The following CYP3A43 variants were observed in gnomAD, a reference collection of about 807,000 sequenced individuals.
The protein encoded by CYP3A43 is cytochrome P450 family 3 subfamily A member 43.
Under a neutral mutation model 58.0 loss-of-function variants are expected in CYP3A43, and 45 were observed. The ratio of observed to expected loss-of-function variants is 0.78; its 90% CI spans 0.61 to 0.99. The LOEUF (loss-of-function observed/expected upper bound fraction) is 0.99, where lower values mean the gene tolerates loss of function less well. Among genes scored for constraint, CYP3A43 ranks in the 50% least tolerant of loss-of-function variants. The probability of loss-of-function intolerance (pLI) is 0.00; values close to 1 mark genes in which losing one functional copy is unlikely to be tolerated. For synonymous variants in CYP3A43, 191 were observed against 201.4 expected (o/e 0.95, Z 0.44); for missense variants, 593 against 591.9 (o/e 1.00, Z -0.02).
Position 99,861,662 on chromosome 7 carries a change from T to C in CYP3A43, c.1076T>C (p.Val359Ala). Reference sequence around the variant, plus strand: ...GTACAGATGGAGTACCTTGACATGGTGGTGAATGAAACGCTCAGATTATTC... The same window carrying C: ...GTACAGATGGAGTACCTTGACATGGCGGTGAATGAAACGCTCAGATTATTC... ...ALVQMEYLDM[V>A]VNETLRLFPV... The change falls in exon 11 of 13, where the codon GTG becomes GCG. Residue 359 changes from valine (V) to alanine (A), a missense_variant. Physicochemically the swap from Val to Ala is moderately conservative, Grantham distance 64. Coordinates refer to ENST00000354829, the MANE Select transcript of CYP3A43 (RefSeq NM_057095.3). 1 of 1,614,158 alleles carries C rather than the reference T, an allele frequency of 6.2e-7. No homozygotes were observed. The highest frequency in any genetic ancestry group is 1.1e-5 in the South Asian group (1 of 91,082).
chr7:99,853,077 T>G (rs528144), intron 7 of CYP3A43, among the ~76,000 whole-genome samples: 29,625 of 152,200 alleles, frequency 0.19, 5,825 homozygotes, highest in African/African-American at 0.51. Flanking sequence ...TGATATATTT[T>G]TCCAGTTTTA....
chr7:99,829,388 C>T (rs190371172), intron 1 of CYP3A43, among the ~76,000 whole-genome samples: 12 of 152,266 alleles, frequency 7.9e-5, no homozygotes, highest in African/African-American at 2.9e-4. Context: ...GGTCAGGGTG[C>T]AGCTTGGTTT....
intron 7 of CYP3A43, among the ~76,000 whole-genome samples, chr7:99,850,915 TC>T (rs1817736928): frequency 1.3e-5 from 2 of 152,062 alleles, no homozygotes; most frequent in African/African-American, 4.8e-5. Context: ...ATGCCTGTAA[TC>T]CCAGCACTTT....
intron 1 of CYP3A43, among the ~76,000 whole-genome samples, chr7:99,835,334 C>T (rs559072724): frequency 2.6e-5 from 4 of 152,280 alleles, no homozygotes; most frequent in South Asian, 4.1e-4. Context: ...TCTGGGCATC[C>T]GATTTGTCAT....
At chr7:99,848,038 T>C (rs1162568689) in intron 5 of CYP3A43, 128 bp from the exon 6 acceptor site, 3 of 941,970 alleles carry the variant, frequency 3.2e-6, no homozygotes, top group Non-Finnish European at 4.8e-6. Context: ...GGGCGGTCTT[T>C]TCTATTTATG....
intron 7 of CYP3A43, among the ~76,000 whole-genome samples, chr7:99,850,993 C>G (rs1391657834): frequency 2.0e-5 from 3 of 152,130 alleles, no homozygotes; most frequent in African/African-American, 7.2e-5. Context: ...TTGGCGAAAC[C>G]CTGTCTCTAC....
chr7:99,863,766 A>T (rs1352077463), intron 12 of CYP3A43, 67 bp downstream of exon 12: 14 of 1,287,232 alleles, frequency 1.1e-5, no homozygotes, highest in Admixed American at 5.3e-5. Context: ...TACATTTTTT[A>T]AAAATTATTG....
chr7:99,829,653 G>A (rs888254756), intron 1 of CYP3A43, among the ~76,000 whole-genome samples: 4 of 152,142 alleles, frequency 2.6e-5, no homozygotes, highest in African/African-American at 9.7e-5. Context: ...CTTTTTGTCT[G>A]GCTGCCCTGT....
chr7:99,831,095 A>G (rs977649055), intron 1 of CYP3A43, among the ~76,000 whole-genome samples: 2 of 152,178 alleles, frequency 1.3e-5, no homozygotes, highest in African/African-American at 4.8e-5. Flanking sequence ...ACAACTGGAA[A>G]CCCAAGAGGT....
chr7:99,849,384 A>G (rs915906622), intron 6 of CYP3A43, among the ~76,000 whole-genome samples, 162 bp from the exon 7 acceptor site: 2 of 152,244 alleles, frequency 1.3e-5, no homozygotes, highest in African/African-American at 4.8e-5. Flanking sequence ...CTGATACCCA[A>G]TAAATGCCTC....
chr7:99,828,790 C>T (rs563112782), intron 1 of CYP3A43, among the ~76,000 whole-genome samples: 1 of 152,312 alleles, frequency 6.6e-6, no homozygotes, highest in Non-Finnish European at 1.5e-5. Context: ...TCCTGAAGTG[C>T]AGGGTTGCTC....
chr7:99,835,992 A>G lies in CYP3A43; in HGVS notation c.72-461A>G, dbSNP rs112228279. Among the ~76,000 whole-genome samples, 202 of 152,328 alleles carry G rather than the reference A, an allele frequency of 1.3e-3. 1 individual carries two copies. The highest frequency in any genetic ancestry group is 4.5e-3 in the African/African-American group (185 of 41,572). The stretch of plus-strand genomic sequence containing the variant: ...ATGGTACTCTTAGCTTCGGCTGTGC[A>G]TAGACTAGTCAGCTTCCGAGATGTA... On this transcript the variant is annotated intron_variant, in intron 1 of 12. Transcript: ENST00000354829.
chr7:99,856,740 A>G, intron 8 of CYP3A43, 93 bp from the exon 9 acceptor site: 1 of 1,299,936 alleles, frequency 7.7e-7, no homozygotes, highest in Non-Finnish European at 1.1e-6. Context: ...AAGAGAGCAT[A>G]TTCTCAGGAG....
At chr7:99,838,434 A>G (rs1489658332) in intron 2 of CYP3A43, among the ~76,000 whole-genome samples, 5 of 152,148 alleles carry the variant, frequency 3.3e-5, no homozygotes, top group Non-Finnish European at 5.9e-5. Context: ...CCCTTGAGAC[A>G]CTCACTCACT....
At chr7:99,828,485 A>G (rs1816711642) in intron 1 of CYP3A43, among the ~76,000 whole-genome samples, 1 of 151,976 alleles carries the variant, frequency 6.6e-6, no homozygotes, top group Admixed American at 6.6e-5. Context: ...ACATGGTGAA[A>G]CCCCTTCTCT....
At chr7:99,838,972 G>GAA in intron 2 of CYP3A43, 148 bp from the exon 3 acceptor site, 5 of 855,266 alleles carry the variant, frequency 5.8e-6, no homozygotes, top group Non-Finnish European at 8.8e-6. Flanking sequence ...AGAAAAAAAG[G>GAA]AAAAAAAAAA....
At position 99,849,980 on chromosome 7, in the gene CYP3A43, C is replaced by CA. The variant is rs1023959993; in HGVS notation, c.670+287dup. The CA allele has an allele frequency of 6.9e-5, 26 of 378,818 alleles. 1 individual carries two copies. The highest frequency in any genetic ancestry group is 1.1e-4 in the Non-Finnish European group (24 of 216,274). The allele number at this position is 378,818 out of a possible 1,614,324, so 23.5% of individuals were successfully genotyped here. A position where few individuals can be genotyped will look rare whatever the true frequency, so the allele number is the denominator to read the frequency against. On this transcript the variant is annotated intron_variant, in intron 7 of 12. Coordinates refer to ENST00000354829, the MANE Select transcript of CYP3A43 (RefSeq NM_057095.3). Reference sequence around the variant, plus strand: ...ATTTTTTTTTTTTTTTTTTTTTAGACAGAGTCTCGCTGTGTTGCCTAGGCC... The same window carrying CA: ...ATTTTTTTTTTTTTTTTTTTTTAGACAAGAGTCTCGCTGTGTTGCCTAGGCC...
At chr7:99,865,630 T>G (rs1380645659) in intron 12 of CYP3A43, among the ~76,000 whole-genome samples, 16 of 148,548 alleles carry the variant, frequency 1.1e-4, no homozygotes, top group Admixed American at 1.1e-3. Context: ...AAAATTTAAA[T>G]AAAAAGGAAC....
intron 9 of CYP3A43, among the ~76,000 whole-genome samples, chr7:99,858,187 T>C (rs1355193509): frequency 6.6e-6 from 1 of 152,222 alleles, no homozygotes; most frequent in African/African-American, 2.4e-5. Flanking sequence ...ACTTTGAGAT[T>C]ATGATTTCAT....
Sources: gnomAD v4.1 joint callset for allele counts (sites outside exome capture counted in the v4.1 genomes callset) on GRCh38, gnomAD v4.1.1 for gene constraint, MANE v1.5 for transcripts, NCBI Gene and HGNC (gene_info 2026-07-23, HGNC 2026-07-21) for gene names.